Variants in CPAP observed in about 807,000 individuals in gnomAD.
CPAP encodes the protein centrosomal P4.1-associated protein.
At chr13:24,898,926 GTAAA>G in the CPAP span, among the ~76,000 whole-genome samples, 1 of 152,080 alleles carries the variant, frequency 6.6e-6, no homozygotes, top group Non-Finnish European at 1.5e-5. Flanking sequence ...TGCCAATGTC[GTAAA>G]TAAATTCACC....
chr13:24,886,220 T>C, the CPAP span: 4 of 903,342 alleles, frequency 4.4e-6, no homozygotes, highest in Admixed American at 2.3e-5. Context: ...ATGGATCATA[T>C]TGTAAACACT....
the CPAP span, chr13:24,899,347 A>G: frequency 8.1e-6 from 10 of 1,240,902 alleles, no homozygotes; most frequent in Non-Finnish European, 1.2e-5. Flanking sequence ...GACATAAGAA[A>G]TAACTCTGAG....
chr13:24,896,869 G>C, the CPAP span, among the ~76,000 whole-genome samples: 1 of 152,134 alleles, frequency 6.6e-6, no homozygotes, highest in African/African-American at 2.4e-5. Context: ...ATGTATTTTA[G>C]GCTATGGTTT....
chr13:24,906,790 A>G, the CPAP span: 27 of 1,614,194 alleles, frequency 1.7e-5, no homozygotes, highest in East Asian at 4.7e-4. Flanking sequence ...GTTGCTGTCT[A>G]TCCATTTTAA....
At chr13:24,933,386 T>C in the CPAP span, 1 of 335,700 alleles carries the variant, frequency 3.0e-6, no homozygotes, top group Admixed American at 4.2e-5. Context: ...AGGATATTAC[T>C]AGAGCACAGC....
chr13:24,912,154 T>C, the CPAP span: 1 of 1,267,298 alleles, frequency 7.9e-7, no homozygotes, highest in South Asian at 1.2e-5. Flanking sequence ...CCCATCTCCC[T>C]CCTCCTATCT....
the CPAP span, among the ~76,000 whole-genome samples, chr13:24,916,380 G>A: frequency 1.3e-5 from 2 of 151,772 alleles, no homozygotes; most frequent in Admixed American, 6.6e-5. Flanking sequence ...TTTCATACTC[G>A]GTGTCTAAAA....
the CPAP span, chr13:24,886,151 T>C: frequency 2.2e-6 from 1 of 459,892 alleles, no homozygotes; most frequent in Non-Finnish European, 4.1e-6. Flanking sequence ...AACAACAAAG[T>C]GAGGTGAATC....
the CPAP span, among the ~76,000 whole-genome samples, chr13:24,929,901 A>ATTTTTTTTT: frequency 9.9e-6 from 1 of 100,930 alleles, no homozygotes; most frequent in Non-Finnish European, 1.9e-5. Context: ...TCACTTGTGA[A>ATTTTTTTTT]TTTTTTTTTT....
the CPAP span, among the ~76,000 whole-genome samples, chr13:24,893,490 G>A: frequency 3.9e-5 from 6 of 152,220 alleles, no homozygotes; most frequent in South Asian, 6.2e-4. Flanking sequence ...GGTGCGGCCC[G>A]GCCCATGCCC....
At chr13:24,906,238 G>A in the CPAP span, 4 of 1,606,832 alleles carry the variant, frequency 2.5e-6, no homozygotes, top group Non-Finnish European at 3.4e-6. Context: ...CCCTTTCTAA[G>A]ATTTTCAGTA....
chr13:24,887,360 G>A, the CPAP span, among the ~76,000 whole-genome samples: 454 of 152,276 alleles, frequency 3.0e-3, 6 homozygotes, highest in African/African-American at 1.0e-2. Context: ...GATGAGCAGC[G>A]GGTGGGCGAG....
the CPAP span, among the ~76,000 whole-genome samples, chr13:24,933,300 C>T: frequency 1.3e-5 from 2 of 152,200 alleles, no homozygotes; most frequent in African/African-American, 4.8e-5. Context: ...GCTGGGCCCC[C>T]AGAGGCAGAG....
chr13:24,919,705 C>T, the CPAP span, among the ~76,000 whole-genome samples: 1 of 150,876 alleles, frequency 6.6e-6, no homozygotes, highest in East Asian at 2.0e-4. Context: ...CAGGCGTGAG[C>T]CCCTGCGCCC....
the CPAP span, among the ~76,000 whole-genome samples, chr13:24,932,618 T>C: frequency 6.6e-6 from 1 of 152,256 alleles, no homozygotes; most frequent in Non-Finnish European, 1.5e-5. Flanking sequence ...AATGAGTCTT[T>C]TTGAATGCAT....
At chr13:24,892,573 C>G in the CPAP span, 3 of 1,218,196 alleles carry the variant, frequency 2.5e-6, no homozygotes, top group Non-Finnish European at 3.6e-6. Context: ...CTTTCTGACT[C>G]TATGAATTTG....
chr13:24,894,088 CACT>C, the CPAP span, among the ~76,000 whole-genome samples: 3 of 151,988 alleles, frequency 2.0e-5, no homozygotes, highest in Non-Finnish European at 4.4e-5. Flanking sequence ...ACAGTGCCAG[CACT>C]ACAAGGGACC....
At chr13:24,890,459 C>T in the CPAP span, among the ~76,000 whole-genome samples, 1 of 152,164 alleles carries the variant, frequency 6.6e-6, no homozygotes, top group African/African-American at 2.4e-5. Context: ...CTTGCCATGT[C>T]CTGAAAGCCT....
the CPAP span, chr13:24,885,357 T>C: frequency 6.2e-7 from 1 of 1,613,936 alleles, no homozygotes; most frequent in East Asian, 2.2e-5. Flanking sequence ...GGAAGTTCAG[T>C]GGTTCAAGTG....
Sources: gnomAD v4.1 joint callset for allele counts (sites outside exome capture counted in the v4.1 genomes callset) on GRCh38, gnomAD v4.1.1 for gene constraint, MANE v1.5 for transcripts, NCBI Gene and HGNC (gene_info 2026-07-23, HGNC 2026-07-21) for gene names.